Variants in SPSB1 observed in about 807,000 individuals in gnomAD.
SPSB1 encodes the protein SPRY domain-containing SOCS box protein 1.
In SPSB1, 8 loss-of-function variants were observed where a neutral mutation model predicts 21.2. The ratio of observed to expected loss-of-function variants is 0.38; its 90% CI spans 0.22 to 0.68. The LOEUF (loss-of-function observed/expected upper bound fraction) is 0.68. SPSB1 is among the 30% of genes least tolerant of loss of function. The pLI, the probability that SPSB1 is intolerant of heterozygous loss-of-function variation, is 0.53. For missense variants in SPSB1, 242 were observed against 377.8 expected, an observed-to-expected ratio of 0.64 and a Z score of 2.98; for synonymous variants, 169 against 161.7, an observed-to-expected ratio of 1.05 and a Z score of -0.34.
chr1:9,351,942 C>T (rs1158796503), intron 1 of SPSB1, among the ~76,000 whole-genome samples: 1 of 152,210 alleles, frequency 6.6e-6, no homozygotes, highest in Non-Finnish European at 1.5e-5. Flanking sequence ...CCCCACAGTG[C>T]TGCAGGCCCC....
rs573984539 is a variant in SPSB1, at chr1:9,363,397, C to T, written c.695-4051C>T. Among the ~76,000 whole-genome samples the T allele has an allele frequency of 7.9e-5, 12 of 152,190 alleles. No individual in the cohort carries two copies. Among genetic ancestry groups the T allele is most frequent in the Non-Finnish European group, 1.5e-4 (10 of 68,034 alleles). On this transcript the variant is annotated intron_variant, in intron 2 of 2. Transcript: ENST00000328089. This position sits in a 1 kb window ranked among gnomAD's most constrained non-coding sequence, Gnocchi z 4.5. The stretch of plus-strand genomic sequence containing the variant: ...ATGACCCATCCCTAACTGGTTTATT[C>T]AGTGAGATCCAGAGATGGCCAGGCT...
Position 9,367,813 on chromosome 1 carries a change from T to G in SPSB1, c.*238T>G. Reference sequence around the variant, plus strand: ...GCAGCATCCCTGCATGCCGTCCGTATACAACCCCTCTTTGAAAAAAGACAC... The same window carrying G: ...GCAGCATCCCTGCATGCCGTCCGTAGACAACCCCTCTTTGAAAAAAGACAC... On this transcript the variant is annotated 3_prime_UTR_variant, in exon 3 of 3. Transcript: ENST00000328089. This position sits in a 1 kb window ranked among gnomAD's most constrained non-coding sequence, Gnocchi z 5.9. 3.5e-6 allele frequency: 2 copies of G among 574,796 alleles called. No individual in the cohort carries two copies. The highest frequency in any genetic ancestry group is 6.1e-6 in the Non-Finnish European group (2 of 329,786). 35.6% of individuals were successfully genotyped at this position (574,796 alleles called of 1,614,324 possible).
intron 1 of SPSB1, among the ~76,000 whole-genome samples, chr1:9,333,978 C>T (rs1005495496): frequency 2.0e-5 from 3 of 152,190 alleles, no homozygotes; most frequent in Non-Finnish European, 2.9e-5. Context: ...TCAGGACAGA[C>T]GGACTCCATT....
In SPSB1 at chr1:9,367,552, A is replaced by C; in HGVS notation, c.799A>C (p.Lys267Gln). 2 of 1,612,232 alleles carry C rather than the reference A, an allele frequency of 1.2e-6. No individual in the cohort carries two copies. Among genetic ancestry groups the C allele is most frequent in the Non-Finnish European group, 1.7e-6 (2 of 1,179,110 alleles). ...CACGCTGCCGCTGCCGGCTTCCCTC[A>C]AGGCCTACCTCCTCTACCAGTGACG... The part of the protein sequence containing the change: ...IHTLPLPASL[K>Q]AYLLYQ The change falls in exon 3 of 3, where the codon AAG becomes CAG. Residue 267 changes from lysine (K) to glutamine (Q), a missense_variant. Physicochemically the swap from Lys to Gln is moderately conservative, Grantham distance 53. Coordinates refer to ENST00000328089, the MANE Select transcript of SPSB1 (RefSeq NM_025106.4). The surrounding 1 kb of genome is among the most constrained non-coding windows in gnomAD (Gnocchi z 5.9).
At chr1:9,307,450 G>C (rs1639438876) in intron 1 of SPSB1, among the ~76,000 whole-genome samples, 1 of 152,186 alleles carries the variant, frequency 6.6e-6, no homozygotes, top group Non-Finnish European at 1.5e-5. Flanking sequence ...GATTTGACGG[G>C]TTTGCCTGTG....
intron 1 of SPSB1, among the ~76,000 whole-genome samples, chr1:9,297,134 TG>T (rs1639237770): frequency 6.6e-6 from 1 of 152,200 alleles, no homozygotes; most frequent in Non-Finnish European, 1.5e-5. Context: ...ACTGTGAGAA[TG>T]GTTTGTCAAC....
chr1:9,300,414 A>G (rs1639309424), intron 1 of SPSB1, among the ~76,000 whole-genome samples: 1 of 152,246 alleles, frequency 6.6e-6, no homozygotes, highest in African/African-American at 2.4e-5. Context: ...GGCCACCAGC[A>G]GATCCAGTGG....
At chr1:9,307,183 C>T (rs1193770069) in intron 1 of SPSB1, among the ~76,000 whole-genome samples, 1 of 152,184 alleles carries the variant, frequency 6.6e-6, no homozygotes, top group African/African-American at 2.4e-5. Flanking sequence ...CCGCTTTGGC[C>T]TCCCAAAGTG....
chr1:9,300,439 G>A (rs1288876668), intron 1 of SPSB1, among the ~76,000 whole-genome samples: 2 of 152,216 alleles, frequency 1.3e-5, no homozygotes, highest in Non-Finnish European at 1.5e-5. Context: ...TGAGGTCAGC[G>A]GCAGACAGGG....
intron 1 of SPSB1, among the ~76,000 whole-genome samples, chr1:9,334,420 C>T (rs1225650016): frequency 7.9e-5 from 12 of 151,970 alleles, no homozygotes; most frequent in African/African-American, 2.2e-4. Context: ...AGGGTTTCGC[C>T]ATGTTGACCA....
intron 1 of SPSB1, among the ~76,000 whole-genome samples, chr1:9,331,520 C>T (rs1639919508): frequency 6.6e-6 from 1 of 151,902 alleles, no homozygotes; most frequent in Non-Finnish European, 1.5e-5. Flanking sequence ...TTAGTAGAAA[C>T]GGGGTTTCAT....
At chr1:9,357,194 T>G (rs1640384150) in intron 2 of SPSB1, among the ~76,000 whole-genome samples, 2 of 150,470 alleles carry the variant, frequency 1.3e-5, no homozygotes, top group Middle Eastern at 3.4e-3. Context: ...AGTGGATGGA[T>G]GGATGGGTGG....
intron 1 of SPSB1, among the ~76,000 whole-genome samples, chr1:9,328,900 T>C (rs552767045): frequency 1.3e-5 from 2 of 152,282 alleles, no homozygotes; most frequent in Admixed American, 1.3e-4. Flanking sequence ...CCACCCCAAC[T>C]TGTGAGCCCC....
In SPSB1 at chr1:9,321,531, G is replaced by T. The variant is rs1391577881; in HGVS notation, c.-150+28460G>T. Among the ~76,000 whole-genome samples the T allele has an allele frequency of 6.6e-6, 1 of 152,212 alleles. No individual in the cohort carries two copies. Among genetic ancestry groups the T allele is most frequent in the Non-Finnish European group, 1.5e-5 (1 of 68,034 alleles). On this transcript the variant is annotated intron_variant, in intron 1 of 2. Coordinates refer to ENST00000328089, the MANE Select transcript of SPSB1 (RefSeq NM_025106.4). The surrounding 1 kb of genome is among the most constrained non-coding windows in gnomAD (Gnocchi z 4.8). ...ACACTTACTGCGTGCCAAGGATTCA[G>T]CTCAGAACGGGGAAGAGGGTGTTTG...
intron 1 of SPSB1, among the ~76,000 whole-genome samples, chr1:9,310,056 T>G (rs1639491311): frequency 6.8e-6 from 1 of 146,028 alleles, no homozygotes; most frequent in Non-Finnish European, 1.5e-5. Flanking sequence ...TCTCCTCAGG[T>G]GGGGGATGGT....
In SPSB1 at chr1:9,356,713, C is replaced by T. The variant is rs1640369225; in HGVS notation, c.694+128C>T. The stretch of plus-strand genomic sequence containing the variant: ...AAGACGATATTCCAGTGTATTCAGA[C>T]CCTCAGAGGCAACTTTTGCATCGGG... On this transcript the variant is annotated intron_variant, in intron 2 of 2. Transcript: ENST00000328089. The surrounding 1 kb of genome is among the most constrained non-coding windows in gnomAD (Gnocchi z 7.4). The T allele has an allele frequency of 1.4e-6, 2 of 1,402,178 alleles. No homozygotes were observed. The highest frequency in any genetic ancestry group is 1.9e-6 in the Non-Finnish European group (2 of 1,072,324). 86.9% of individuals were successfully genotyped at this position (1,402,178 alleles called of 1,614,324 possible).
chr1:9,335,788 A>G (rs531065743), intron 1 of SPSB1, among the ~76,000 whole-genome samples: 2 of 152,320 alleles, frequency 1.3e-5, no homozygotes, highest in African/African-American at 4.8e-5. Context: ...AGCCTGGACG[A>G]CAGGGCAGGA....
chr1:9,331,321 G>GTTTTT lies in SPSB1; in HGVS notation c.-149-24400_-149-24396dup, dbSNP rs34199175. On this transcript the variant is annotated intron_variant, in intron 1 of 2. Transcript: ENST00000328089. ...ATCTCCTTCTGCTACTGGTGCTCTTGTTTTTTTTTTTTTTTTTTTTTTTTT... is the reference window on the plus strand; with the variant it reads ...ATCTCCTTCTGCTACTGGTGCTCTTGTTTTTTTTTTTTTTTTTTTTTTTTTTTTTT... Among the ~76,000 whole-genome samples the GTTTTT allele has an allele frequency of 1.1e-4, 6 of 53,704 alleles. 2 individuals carry two copies. Among genetic ancestry groups the GTTTTT allele is most frequent in the African/African-American group, 4.8e-4 (6 of 12,586 alleles). 35.2% of individuals were successfully genotyped at this position (53,704 alleles called of 152,430 possible). A position where few individuals can be genotyped will look rare whatever the true frequency, so the allele number is the denominator to read the frequency against.
At chr1:9,360,153 G>C (rs988723163) in intron 2 of SPSB1, among the ~76,000 whole-genome samples, 1 of 152,100 alleles carries the variant, frequency 6.6e-6, no homozygotes, top group African/African-American at 2.4e-5. Context: ...CCAGAAGTAG[G>C]GGCTAGAGAG....
Sources: gnomAD v4.1 joint callset for allele counts (sites outside exome capture counted in the v4.1 genomes callset) on GRCh38, gnomAD v4.1.1 for gene constraint, Gnocchi (gnomAD v3.1) non-coding constraint, MANE v1.5 for transcripts, NCBI Gene and HGNC (gene_info 2026-07-23, HGNC 2026-07-21) for gene names.